The following RAD50 variants were observed in gnomAD, a reference collection of about 807,000 sequenced individuals.
RAD50 encodes the protein RAD50 double strand break repair protein, also known as DNA repair protein RAD50.
RAD50 carries 132 observed loss-of-function variants against 168.8 expected under a neutral mutation model. The observed-to-expected ratio is 0.78, with a 90% CI of 0.68 to 0.90. The LOEUF (loss-of-function observed/expected upper bound fraction) is 0.90. Ranked by LOEUF, RAD50 falls within the 40% of genes least tolerant of loss-of-function variation. RAD50 has a pLI of 0.00. For synonymous variants in RAD50, 525 were observed against 497.4 expected, an observed-to-expected ratio of 1.06 and a Z score of -0.74; for missense variants, 1,347 against 1,534.4, an observed-to-expected ratio of 0.88 and a Z score of 2.04.
intron 3 of RAD50, among the ~76,000 whole-genome samples, chr5:132,577,461 G>A (rs1750419553): frequency 6.6e-6 from 1 of 152,150 alleles, no homozygotes; most frequent in Admixed American, 6.5e-5. Context: ...GGACATCTTG[G>A]AGGACCATTG....
intron 22 of RAD50, 146 bp from the exon 23 acceptor site, chr5:132,637,935 C>T: frequency 1.1e-6 from 1 of 920,104 alleles, no homozygotes; most frequent in Non-Finnish European, 1.7e-6. Flanking sequence ...ATCCTCCCAG[C>T]CAGAGAAAGA....
chr5:132,578,092 C>T (rs948731056), intron 3 of RAD50, among the ~76,000 whole-genome samples: 52 of 152,066 alleles, frequency 3.4e-4, no homozygotes, highest in Admixed American at 2.0e-3. Context: ...GGATTACAGG[C>T]GTGAGCCACC....
chr5:132,581,727 G>T (rs1460458513), intron 5 of RAD50, among the ~76,000 whole-genome samples: 1 of 152,212 alleles, frequency 6.6e-6, no homozygotes, highest in African/African-American at 2.4e-5. Flanking sequence ...ATCGGGGTCA[G>T]ATTATAGAAA....
chr5:132,604,261 T>C (rs1416183132), intron 15 of RAD50, among the ~76,000 whole-genome samples: 1 of 151,840 alleles, frequency 6.6e-6, no homozygotes, highest in Non-Finnish European at 1.5e-5. Flanking sequence ...AGCTGTATTC[T>C]CTTTTCCTTT....
intron 21 of RAD50, among the ~76,000 whole-genome samples, chr5:132,627,415 A>G (rs1218758110): frequency 6.6e-6 from 1 of 152,232 alleles, no homozygotes; most frequent in African/African-American, 2.4e-5. Flanking sequence ...TAAATTAATA[A>G]CAAAATGGGT....
chr5:132,616,654 A>G (rs1355126052), intron 20 of RAD50, among the ~76,000 whole-genome samples: 1 of 152,210 alleles, frequency 6.6e-6, no homozygotes, highest in African/African-American at 2.4e-5. Context: ...TACAGCAGAA[A>G]AGATTTTATT....
In RAD50 at chr5:132,594,852, A is replaced by T. The variant is rs1750760005; in HGVS notation, c.1794-17A>T. 1 of 1,587,664 alleles carries T rather than the reference A, an allele frequency of 6.3e-7. No individual in the cohort carries two copies. The highest frequency in any genetic ancestry group is 2.2e-5 in the East Asian group (1 of 44,688). ...CTCCTATTTTAAAATGAAAATCCATATTTGCTCTTATTTTAGCAAGGAACT... is the reference window on the plus strand; with the variant it reads ...CTCCTATTTTAAAATGAAAATCCATTTTTGCTCTTATTTTAGCAAGGAACT... On this transcript the variant is annotated splice_polypyrimidine_tract_variant and intron_variant, in intron 11 of 24. Coordinates refer to ENST00000378823, the MANE Select transcript of RAD50 (RefSeq NM_005732.4).
intron 8 of RAD50, 50 bp downstream of exon 8, chr5:132,588,930 C>G (rs1750647999): frequency 1.9e-6 from 3 of 1,540,198 alleles, no homozygotes; most frequent in Non-Finnish European, 2.7e-6. Context: ...ATCATATTCT[C>G]TACTTGAATT....
At chr5:132,559,491 C>T in intron 2 of RAD50, 124 bp downstream of exon 2, 1 of 891,492 alleles carries the variant, frequency 1.1e-6, no homozygotes, top group Non-Finnish European at 1.7e-6. Context: ...GTTTTAGCAC[C>T]CAGTAGTAAC....
intron 23 of RAD50, among the ~76,000 whole-genome samples, chr5:132,639,162 G>A (rs771876088): frequency 3.4e-4 from 51 of 152,000 alleles, no homozygotes; most frequent in Non-Finnish European, 1.5e-5. Flanking sequence ...TTCGAGACCA[G>A]CCTAACATGG....
intron 19 of RAD50, among the ~76,000 whole-genome samples, chr5:132,609,772 ACT>A (rs1751053065): frequency 6.6e-6 from 1 of 152,164 alleles, no homozygotes; most frequent in Admixed American, 6.5e-5. Flanking sequence ...ACACAGCGAG[ACT>A]CTGTCTCTAA....
chr5:132,576,097 A>G (rs1468988489), intron 3 of RAD50, among the ~76,000 whole-genome samples, 169 bp downstream of exon 3: 1 of 152,170 alleles, frequency 6.6e-6, no homozygotes, highest in African/African-American at 2.4e-5. Flanking sequence ...AATTGGGCAG[A>G]AAGTACTGAG....
chr5:132,627,720 C>T (rs920347007), intron 21 of RAD50, among the ~76,000 whole-genome samples: 2 of 152,174 alleles, frequency 1.3e-5, no homozygotes, highest in African/African-American at 2.4e-5. Context: ...CTGCATTGGG[C>T]AGTCACTGGA....
At position 132,619,783 on chromosome 5, in the gene RAD50, C is replaced by CCTCTCTCTCTCT. The variant is rs550575815; in HGVS notation, c.3389+1506_3389+1517dup. Among the ~76,000 whole-genome samples, 323 of 125,618 alleles carry CCTCTCTCTCTCT rather than the reference C, an allele frequency of 2.6e-3. 4 individuals carry two copies. The highest frequency in any genetic ancestry group is 0.01 in the African/African-American group (285 of 28,390). 82.4% of individuals were successfully genotyped at this position (125,618 alleles called of 152,430 possible). Reference sequence around the variant, plus strand: ...TCTTGTTAAGAAATCCTTCCCTACTCCTCTCTCTCTCTCTCTCTCTCTCTC... The same window carrying CCTCTCTCTCTCT: ...TCTTGTTAAGAAATCCTTCCCTACTCCTCTCTCTCTCTCTCTCTCTCTCTCTCTCTCTCTCTC... On this transcript the variant is annotated intron_variant, in intron 21 of 24. Transcript: ENST00000378823.
chr5:132,597,179 T>A (rs1750805842), intron 13 of RAD50, among the ~76,000 whole-genome samples: 2 of 150,160 alleles, frequency 1.3e-5, no homozygotes, highest in East Asian at 2.0e-4. Context: ...ACCAGGAGAG[T>A]GAAAGTGATT....
At chr5:132,570,257 G>A (rs570001481) in intron 2 of RAD50, among the ~76,000 whole-genome samples, 3 of 152,200 alleles carry the variant, frequency 2.0e-5, no homozygotes, top group African/African-American at 7.2e-5. Flanking sequence ...AGTTTATACT[G>A]ATACAAGAAA....
In RAD50 at chr5:132,640,693, C is replaced by T. The variant is rs546479838; in HGVS notation, c.3640C>T (p.Arg1214Cys). 5 of 1,614,222 alleles carry T rather than the reference C, an allele frequency of 3.1e-6. No individual in the cohort carries two copies. Among genetic ancestry groups the T allele is most frequent in the Admixed American group, 3.3e-5 (2 of 60,030 alleles). Reference protein sequence around the residue: ...GQKVLASLIIRLALAETFCLN... With the variant: ...GQKVLASLIICLALAETFCLN... The stretch of plus-strand genomic sequence containing the variant: ...CCAGGTATTAGCCTCACTCATCATT[C>T]GCCTGGCCCTGGCTGAAACGTTCTG... The change falls in exon 24 of 25, where the codon CGC (arginine) becomes TGC (cysteine). Residue 1214 changes from arginine (R) to cysteine (C), a missense_variant. Physicochemically the swap from Arg to Cys is radical, Grantham distance 180. Transcript: ENST00000378823.
chr5:132,607,101 G>T (rs1009394382), intron 16 of RAD50, among the ~76,000 whole-genome samples: 1 of 152,176 alleles, frequency 6.6e-6, no homozygotes, highest in African/African-American at 2.4e-5. Context: ...TTATTTGTGT[G>T]GTTCCTAAGT....
At chr5:132,589,476 T>G (rs1409397184) in intron 8 of RAD50, among the ~76,000 whole-genome samples, 155 bp from the exon 9 acceptor site, 2 of 152,192 alleles carry the variant, frequency 1.3e-5, no homozygotes, top group Non-Finnish European at 2.9e-5. Flanking sequence ...ATGATAAAAT[T>G]GCCTAATGAT....
Sources: allele counts gnomAD v4.1 joint callset (sites outside exome capture counted in the v4.1 genomes callset), GRCh38; gene constraint gnomAD v4.1.1; transcripts MANE v1.5; gene names NCBI Gene and HGNC (gene_info 2026-07-23, HGNC 2026-07-21).